ETV1: variants seen among roughly 807,000 people sequenced by gnomAD.
ETV1 encodes the protein ETS translocation variant 1.
Under a neutral mutation model 62.3 loss-of-function variants are expected in ETV1, and 27 were observed. The observed-to-expected ratio is 0.43, with a 90% CI of 0.32 to 0.60. The LOEUF (loss-of-function observed/expected upper bound fraction) is 0.60. Ranked by LOEUF, ETV1 falls within the 20% of genes least tolerant of loss-of-function variation. The pLI, the probability that ETV1 is intolerant of heterozygous loss-of-function variation, is 0.06. For missense variants in ETV1, 605 were observed against 605.8 expected (o/e 1.00, Z 0.01); for synonymous variants, 222 against 199.6 (o/e 1.11, Z -0.94).
intron 13 of ETV1, among the ~76,000 whole-genome samples, chr7:13,898,934 A>G (rs1360635033): frequency 1.3e-5 from 2 of 152,158 alleles, no homozygotes; most frequent in Non-Finnish European, 2.9e-5. Flanking sequence ...AGGAGTTCAG[A>G]TATACTTTAC....
chr7:13,931,846 T>C, intron 8 of ETV1, 97 bp from the exon 9 acceptor site: 2 of 1,431,524 alleles, frequency 1.4e-6, no homozygotes, highest in African/African-American at 1.4e-5. Flanking sequence ...ACGAACATGA[T>C]ACCAGCTGAC....
intron 9 of ETV1, among the ~76,000 whole-genome samples, chr7:13,922,637 G>C (rs1428356676): frequency 6.6e-6 from 1 of 152,176 alleles, no homozygotes; most frequent in African/African-American, 2.4e-5. Context: ...GTTCAAGAGG[G>C]AGAAATTATT....
intron 8 of ETV1, among the ~76,000 whole-genome samples, chr7:13,933,633 T>A (rs1365947089): frequency 6.6e-6 from 1 of 152,068 alleles, no homozygotes; most frequent in African/African-American, 2.4e-5. Flanking sequence ...GGGGAAAGGA[T>A]CTGTTCCCAG....
At chr7:13,931,135 A>C (rs1370587530) in intron 9 of ETV1, among the ~76,000 whole-genome samples, 2 of 151,934 alleles carry the variant, frequency 1.3e-5, no homozygotes, top group Admixed American at 1.3e-4. Context: ...GTTCAGAAGA[A>C]TATTACTTTC....
intron 9 of ETV1, among the ~76,000 whole-genome samples, chr7:13,913,579 A>G (rs2040883): frequency 1.3e-5 from 2 of 152,108 alleles, no homozygotes; most frequent in South Asian, 4.1e-4. Context: ...TATGGGACTT[A>G]TTATTAATAA....
intron 8 of ETV1, among the ~76,000 whole-genome samples, chr7:13,932,532 C>T (rs552231505): frequency 5.9e-5 from 9 of 152,148 alleles, no homozygotes; most frequent in East Asian, 1.9e-4. Context: ...GGGCAAGTCC[C>T]GCTGTTAGGA....
In ETV1 at chr7:13,895,180, G is replaced by A. The variant is rs549216286; in HGVS notation, c.*686C>T. 105 of 233,446 alleles carry A rather than the reference G, an allele frequency of 4.5e-4. No individual in the cohort carries two copies. The highest frequency in any genetic ancestry group is 2.2e-3 in the East Asian group (37 of 16,538). The allele number at this position is 233,446 out of a possible 1,614,324, so 14.5% of individuals were successfully genotyped here. Reference sequence around the variant, plus strand: ...CTACTGGCCTATGACTCAGTTTGGCGCCAGAGTCCAAAATTGTGCCCCTCA... The same window carrying A: ...CTACTGGCCTATGACTCAGTTTGGCACCAGAGTCCAAAATTGTGCCCCTCA... On this transcript the variant is annotated 3_prime_UTR_variant, in exon 14 of 14. Coordinates refer to ENST00000430479, the MANE Select transcript of ETV1 (RefSeq NM_004956.5).
chr7:13,898,440 T>C (rs1194472703), intron 13 of ETV1, among the ~76,000 whole-genome samples: 2 of 152,320 alleles, frequency 1.3e-5, no homozygotes, highest in South Asian at 4.1e-4. Context: ...ATCCAGAATA[T>C]AATCACCATT....
chr7:13,988,143 G>C lies in ETV1; in HGVS notation c.76C>G (p.Pro26Ala). ...SQRGRNCNEK[P>A]TNVRKRKFIN... ...AATTTTCTTTTCCTGACATTTGTTG[G>C]TTTCTCGTTACAATTTCTCCCACGC... The change falls in exon 4 of 14, where the codon CCA (proline) becomes GCA (alanine). Residue 26 changes from proline (P) to alanine (A), a missense_variant. Coordinates refer to ENST00000430479, the MANE Select transcript of ETV1 (RefSeq NM_004956.5). 1 of 1,612,298 alleles carries C rather than the reference G, an allele frequency of 6.2e-7. No homozygotes were observed. Among genetic ancestry groups the C allele is most frequent in the Non-Finnish European group, 8.5e-7 (1 of 1,178,520 alleles).
chr7:13,891,794 T>C lies in ETV1; in HGVS notation c.*4072A>G. 4.3e-6 allele frequency: 1 copy of C among 231,856 alleles called. No homozygotes were observed. 14.4% of individuals were successfully genotyped at this position (231,856 alleles called of 1,614,324 possible). A position where few individuals can be genotyped will look rare whatever the true frequency, so the allele number is the denominator to read the frequency against. On this transcript the variant is annotated 3_prime_UTR_variant, in exon 14 of 14. Coordinates refer to ENST00000430479, the MANE Select transcript of ETV1 (RefSeq NM_004956.5). ...CACCATCACTTTTACCCAATTTGTA[T>C]TTTTTTAATAATTCTATTTCCTCTC...
In ETV1 at chr7:13,989,480, C is replaced by T. The variant is rs185084863; in HGVS notation, c.-284-16G>A. 2 of 402,774 alleles carry T rather than the reference C, an allele frequency of 5.0e-6. No homozygotes were observed. The allele number at this position is 402,774 out of a possible 1,614,324, so 25.0% of individuals were successfully genotyped here. Reference sequence around the variant, plus strand: ...CCTAACGGGACTAAAGAGACGGAGACACCTCTTTCATCAGGATAGTTTTTG... The same window carrying T: ...CCTAACGGGACTAAAGAGACGGAGATACCTCTTTCATCAGGATAGTTTTTG... On this transcript the variant is annotated splice_polypyrimidine_tract_variant and intron_variant, in intron 1 of 13. Transcript: ENST00000430479.
At chr7:13,905,262 C>T (rs993724373) in intron 12 of ETV1, among the ~76,000 whole-genome samples, 2 of 151,940 alleles carry the variant, frequency 1.3e-5, no homozygotes, top group African/African-American at 4.8e-5. Context: ...AGATGATGGA[C>T]CCAGTAGTCA....
intron 6 of ETV1, among the ~76,000 whole-genome samples, chr7:13,967,684 A>T (rs772840390): frequency 6.6e-6 from 1 of 152,134 alleles, no homozygotes; most frequent in Non-Finnish European, 1.5e-5. Flanking sequence ...ATACATGTTT[A>T]TTATGATTTA....
At chr7:13,902,498 G>C (rs951696946) in intron 12 of ETV1, among the ~76,000 whole-genome samples, 3 of 148,376 alleles carry the variant, frequency 2.0e-5, no homozygotes, top group African/African-American at 7.5e-5. Context: ...AATCTTCTGA[G>C]CAATAGTGAA....
rs566925788 is a variant in ETV1 at position 13,914,816 on chromosome 7, C to G, written c.803-3509G>C. On this transcript the variant is annotated intron_variant, in intron 9 of 13. Transcript: ENST00000430479. The stretch of plus-strand genomic sequence containing the variant: ...CTGCCTCTATAGCAGAATGGAGGCT[C>G]TCCTTTAGGGCAGAGTTTGCTTAAA... 4.6e-5 allele frequency among the ~76,000 whole-genome samples: 7 copies of G among 152,218 alleles called. No individual in the cohort carries two copies. The East Asian group carries it at 1.4e-3, about 29-fold the overall frequency.
At chr7:13,947,493 T>G (rs561618637) in intron 6 of ETV1, among the ~76,000 whole-genome samples, 1 of 151,274 alleles carries the variant, frequency 6.6e-6, no homozygotes, top group East Asian at 1.9e-4. Flanking sequence ...GACAGGAACA[T>G]ATATAATAAT....
chr7:13,976,405 C>G (rs1781456616), intron 6 of ETV1, among the ~76,000 whole-genome samples: 1 of 152,090 alleles, frequency 6.6e-6, no homozygotes, highest in South Asian at 2.1e-4. Flanking sequence ...TTCTTTATAA[C>G]CAAGCTGAGT....
chr7:13,922,588 A>T (rs1389600919), intron 9 of ETV1, among the ~76,000 whole-genome samples: 2 of 152,198 alleles, frequency 1.3e-5, no homozygotes, highest in Non-Finnish European at 2.9e-5. Flanking sequence ...TCTTTAAAAC[A>T]CATCAGCCAA....
At chr7:13,897,062 A>T (rs796255878) in intron 13 of ETV1, among the ~76,000 whole-genome samples, 34 of 152,254 alleles carry the variant, frequency 2.2e-4, no homozygotes, top group African/African-American at 7.9e-4. Context: ...TCTGAAGAGT[A>T]ATGCTTCCCT....
Sources: gnomAD v4.1 joint callset for allele counts (sites outside exome capture counted in the v4.1 genomes callset) on GRCh38, gnomAD v4.1.1 for gene constraint, MANE v1.5 for transcripts, NCBI Gene and HGNC (gene_info 2026-07-23, HGNC 2026-07-21) for gene names.